The following PCDH9 variants were observed in gnomAD, a reference collection of about 807,000 sequenced individuals.
PCDH9 encodes the protein protocadherin 9.
In PCDH9, 24 loss-of-function variants were observed where a neutral mutation model predicts 70.6. That is an observed-to-expected ratio of 0.34 (90% CI 0.25 to 0.48). PCDH9 has a LOEUF of 0.48. Ranked by LOEUF, PCDH9 falls within the 20% of genes least tolerant of loss-of-function variation. PCDH9 has a pLI of 0.99. For missense variants in PCDH9, 1,281 were observed against 1,503.6 expected (o/e 0.85, Z 2.45); for synonymous variants, 562 against 558.5 (o/e 1.01, Z -0.09).
At chr13:66,491,506 G>A (rs1296117279) in intron 4 of PCDH9, among the ~76,000 whole-genome samples, 1 of 151,742 alleles carries the variant, frequency 6.6e-6, no homozygotes, top group Non-Finnish European at 1.5e-5. Flanking sequence ...CCATATTAGA[G>A]CGTTAAGTGA....
intron 3 of PCDH9, among the ~76,000 whole-genome samples, chr13:66,811,919 A>T (rs79027209): frequency 0.015 from 2,261 of 152,010 alleles, 70 homozygotes; most frequent in African/African-American, 0.051. Flanking sequence ...ATATTTTAAA[A>T]TTTTTATTTA....
intron 3 of PCDH9, among the ~76,000 whole-genome samples, chr13:66,690,344 C>T (rs1356491499): frequency 1.3e-5 from 2 of 152,038 alleles, no homozygotes; most frequent in Non-Finnish European, 2.9e-5. Context: ...AAAAAAACTT[C>T]GAGGTAATCC....
chr13:66,802,123 G>GT (rs370175911), intron 3 of PCDH9, among the ~76,000 whole-genome samples: 52 of 148,414 alleles, frequency 3.5e-4, no homozygotes, highest in Middle Eastern at 3.6e-3. Context: ...TATTAATCAG[G>GT]TTTTTTTTTT....
At chr13:66,664,471 G>A (rs778583093) in intron 3 of PCDH9, among the ~76,000 whole-genome samples, 11 of 149,786 alleles carry the variant, frequency 7.3e-5, no homozygotes, top group Non-Finnish European at 1.5e-4. Context: ...AGATTCAAAC[G>A]CCTCACTCAA....
chr13:66,692,184 A>C (rs1237042563), intron 3 of PCDH9, among the ~76,000 whole-genome samples: 1 of 152,170 alleles, frequency 6.6e-6, no homozygotes, highest in Admixed American at 6.5e-5. Context: ...TGAATTTGAA[A>C]GAGACATCCA....
At chr13:66,806,540 T>C (rs2080413150) in intron 3 of PCDH9, among the ~76,000 whole-genome samples, 1 of 152,138 alleles carries the variant, frequency 6.6e-6, no homozygotes, top group Non-Finnish European at 1.5e-5. Context: ...AGCAAAGAGC[T>C]AGACACCAAC....
At position 67,100,918 on chromosome 13, in the gene PCDH9, C is replaced by CA. The variant is rs146600550; in HGVS notation, c.3036+124486dup. 9.8e-3 allele frequency among the ~76,000 whole-genome samples: 1,494 copies of CA among 151,752 alleles called. 28 individuals are homozygous for CA. Among genetic ancestry groups the CA allele is most frequent in the African/African-American group, 0.034 (1,392 of 41,404 alleles). On this transcript the variant is annotated intron_variant, in intron 2 of 4. Coordinates refer to ENST00000377865, the MANE Select transcript of PCDH9 (RefSeq NM_203487.3). Reference sequence around the variant, plus strand: ...CTGCTGGGAAAGATATGCAATCACTCAAAAAAAATGGGTGTGTTCCTCTGG... The same window carrying CA: ...CTGCTGGGAAAGATATGCAATCACTCAAAAAAAAATGGGTGTGTTCCTCTGG...
intron 4 of PCDH9, among the ~76,000 whole-genome samples, chr13:66,624,166 A>G (rs1166212019): frequency 6.6e-6 from 1 of 152,094 alleles, no homozygotes; most frequent in Non-Finnish European, 1.5e-5. Flanking sequence ...TGAACACATA[A>G]TTGTTTTTGT....
chr13:66,987,519 C>T (rs879919260), intron 2 of PCDH9, among the ~76,000 whole-genome samples: 22 of 151,850 alleles, frequency 1.4e-4, no homozygotes, highest in Non-Finnish European at 2.7e-4. Flanking sequence ...CAACAACCTA[C>T]GTAATGTAAT....
chr13:67,222,531 A>G (rs904629241), intron 2 of PCDH9: 1 of 152,080 alleles, frequency 6.6e-6, no homozygotes, highest in African/African-American at 2.4e-5. Flanking sequence ...AAAACATCAG[A>G]CGTTATGTTT....
intron 3 of PCDH9, among the ~76,000 whole-genome samples, chr13:66,805,689 A>G (rs1170474242): frequency 1.3e-5 from 2 of 152,202 alleles, no homozygotes; most frequent in South Asian, 2.1e-4. Context: ...TTGTTGATAT[A>G]GAACATAGAA....
intron 2 of PCDH9, among the ~76,000 whole-genome samples, chr13:67,131,389 G>A (rs1463848232): frequency 6.6e-6 from 1 of 151,998 alleles, no homozygotes. Context: ...TCCAGAAAAA[G>A]AACAGAATTG....
At chr13:67,130,848 T>C (rs2087096441) in intron 2 of PCDH9, among the ~76,000 whole-genome samples, 1 of 152,140 alleles carries the variant, frequency 6.6e-6, no homozygotes, top group Admixed American at 6.6e-5. Context: ...GTCCCCTACT[T>C]CTGCAGGTTT....
chr13:66,518,036 A>C (rs1344026117), intron 4 of PCDH9, among the ~76,000 whole-genome samples: 1 of 152,076 alleles, frequency 6.6e-6, no homozygotes, highest in Non-Finnish European at 1.5e-5. Flanking sequence ...TAAAGAAGAG[A>C]GGTTCAACTG....
intron 2 of PCDH9, among the ~76,000 whole-genome samples, chr13:67,147,093 C>T (rs555224852): frequency 2.4e-4 from 37 of 152,232 alleles, no homozygotes; most frequent in South Asian, 2.1e-3. Context: ...TCTCTGCTCC[C>T]CTCATGTAGC....
chr13:66,778,647 T>C (rs2079940621), intron 3 of PCDH9, among the ~76,000 whole-genome samples: 1 of 152,224 alleles, frequency 6.6e-6, no homozygotes, highest in African/African-American at 2.4e-5. Flanking sequence ...GTTTACTATG[T>C]GCCTGACACT....
chr13:66,861,710 T>C (rs781712220), intron 3 of PCDH9, among the ~76,000 whole-genome samples: 2 of 152,192 alleles, frequency 1.3e-5, no homozygotes, highest in East Asian at 1.9e-4. Flanking sequence ...AACTCACCCA[T>C]TATTTTTAAC....
chr13:66,603,661 A>G (rs557416790), intron 4 of PCDH9, among the ~76,000 whole-genome samples: 1 of 152,108 alleles, frequency 6.6e-6, no homozygotes, highest in South Asian at 2.1e-4. Context: ...TCATGTGGAG[A>G]TATGACACTT....
chr13:66,940,835 GT>G (rs2082996395), intron 2 of PCDH9, among the ~76,000 whole-genome samples: 1 of 151,796 alleles, frequency 6.6e-6, no homozygotes, highest in Non-Finnish European at 1.5e-5. Flanking sequence ...TCTTGTACTT[GT>G]TTTTCTTGTG....
Sources: allele counts gnomAD v4.1 joint callset (sites outside exome capture counted in the v4.1 genomes callset), GRCh38; gene constraint gnomAD v4.1.1; transcripts MANE v1.5; gene names NCBI Gene and HGNC (gene_info 2026-07-23, HGNC 2026-07-21).